The following ADAMTS6 variants were observed in gnomAD, a reference collection of about 807,000 sequenced individuals.
The protein encoded by ADAMTS6 is A disintegrin and metalloproteinase with thrombospondin motifs 6.
ADAMTS6 carries 23 observed loss-of-function variants against 144.3 expected under a neutral mutation model. The observed-to-expected ratio is 0.16, with a 90% confidence interval of 0.11 to 0.23. The LOEUF (loss-of-function observed/expected upper bound fraction) is 0.23. Among genes scored for constraint, ADAMTS6 ranks in the 10% least tolerant of loss-of-function variants. ADAMTS6 has a pLI of 1.00. For synonymous variants in ADAMTS6, 444 were observed against 457.5 expected, an observed-to-expected ratio of 0.97 and a Z score of 0.38; for missense variants, 999 against 1,379.6, an observed-to-expected ratio of 0.72 and a Z score of 4.37.
chr5:65,154,619 G>A (rs1752311085), intron 24 of ADAMTS6, among the ~76,000 whole-genome samples: 1 of 152,152 alleles, frequency 6.6e-6, no homozygotes, highest in Non-Finnish European at 1.5e-5. Context: ...CCTCTGCCAA[G>A]TTACTTCACC....
chr5:65,247,163 A>T (rs937449711), intron 14 of ADAMTS6, among the ~76,000 whole-genome samples: 1 of 152,168 alleles, frequency 6.6e-6, no homozygotes, highest in Non-Finnish European at 1.5e-5. Context: ...ATAAATCTGG[A>T]GAGCAAAGCT....
At chr5:65,269,945 C>A (rs1319499865) in intron 12 of ADAMTS6, among the ~76,000 whole-genome samples, 2 of 151,978 alleles carry the variant, frequency 1.3e-5, no homozygotes, top group Admixed American at 1.3e-4. Flanking sequence ...AGGTGCCTGC[C>A]ACCATGCCCG....
intron 7 of ADAMTS6, among the ~76,000 whole-genome samples, chr5:65,338,853 C>G (rs754277770): frequency 2.6e-5 from 4 of 152,172 alleles, no homozygotes; most frequent in Non-Finnish European, 5.9e-5. Context: ...AAACAGCCTG[C>G]CCCCAGCAGA....
At chr5:65,269,587 T>G (rs954415830) in intron 12 of ADAMTS6, among the ~76,000 whole-genome samples, 1 of 152,152 alleles carries the variant, frequency 6.6e-6, no homozygotes, top group Non-Finnish European at 1.5e-5. Context: ...GAGGCAAAGA[T>G]TTCAACTCTG....
chr5:65,415,771 T>C, intron 7 of ADAMTS6: 2 of 253,144 alleles, frequency 7.9e-6, no homozygotes, highest in Admixed American at 4.9e-5. Context: ...TGCTAAGTGC[T>C]CCAAGGAGGT....
At chr5:65,410,022 C>A (rs953884103) in intron 7 of ADAMTS6, among the ~76,000 whole-genome samples, 48 of 152,256 alleles carry the variant, frequency 3.2e-4, no homozygotes, top group African/African-American at 1.2e-3. Context: ...TGTAATTTCA[C>A]AAAATTATTT....
intron 6 of ADAMTS6, 114 bp from the exon 7 acceptor site, chr5:65,451,734 T>A: frequency 7.9e-7 from 1 of 1,264,048 alleles, no homozygotes; most frequent in Non-Finnish European, 1.1e-6. Flanking sequence ...CTAGGAATAA[T>A]CTCTTGCCAA....
chr5:65,201,149 C>A (rs993440369), intron 20 of ADAMTS6, among the ~76,000 whole-genome samples: 2 of 152,160 alleles, frequency 1.3e-5, no homozygotes, highest in Admixed American at 6.5e-5. Flanking sequence ...AGAAGCCCAT[C>A]AAATGGCAAA....
chr5:65,278,873 C>T (rs748237907), intron 11 of ADAMTS6, among the ~76,000 whole-genome samples: 18 of 151,484 alleles, frequency 1.2e-4, no homozygotes, highest in Admixed American at 7.2e-4. Flanking sequence ...TAAAATTCAT[C>T]GTCATTTGAC....
chr5:65,468,014 AT>A lies in ADAMTS6; in HGVS notation c.462+2763del, dbSNP rs539264962. 1.4e-3 allele frequency among the ~76,000 whole-genome samples: 209 copies of A among 152,106 alleles called. 2 individuals carry two copies. Among genetic ancestry groups the A allele is most frequent in the African/African-American group, 4.8e-3 (200 of 41,498 alleles). On this transcript the variant is annotated intron_variant, in intron 3 of 24. Coordinates refer to ENST00000381055, the MANE Select transcript of ADAMTS6 (RefSeq NM_197941.4). The stretch of plus-strand genomic sequence containing the variant: ...TTAAATCACTTGATAAAGAAACGAT[AT>A]TTTTTTTCGCACTGAGAAAAAGTAA...
intron 21 of ADAMTS6, among the ~76,000 whole-genome samples, chr5:65,194,361 G>T (rs1561267421): frequency 2.0e-5 from 3 of 152,186 alleles, no homozygotes; most frequent in South Asian, 4.1e-4. Flanking sequence ...GCAGCTCCCA[G>T]TCAGCTACGC....
intron 7 of ADAMTS6, among the ~76,000 whole-genome samples, chr5:65,374,935 G>A (rs1016311150): frequency 1.3e-5 from 2 of 152,114 alleles, no homozygotes; most frequent in African/African-American, 4.8e-5. Context: ...GAACAGAACA[G>A]AGCCCTCAGA....
intron 15 of ADAMTS6, among the ~76,000 whole-genome samples, chr5:65,230,003 A>G (rs1758023677): frequency 6.6e-6 from 1 of 152,050 alleles, no homozygotes; most frequent in Admixed American, 6.6e-5. Context: ...TTTGAAGGCA[A>G]GAGAAAAAAG....
At position 65,210,108 on chromosome 5, in the gene ADAMTS6, T is replaced by C. The variant is rs1310728110; in HGVS notation, c.2575+4686A>G. ...ACAAATGATGCTGCAGCGTACTATA[T>C]TGGCCTGCTGCTGGCCCACAGGCTT... is the stretch of plus-strand genomic sequence containing the variant. On this transcript the variant is annotated intron_variant, in intron 20 of 24. Transcript: ENST00000381055. 2.3e-5 allele frequency: 5 copies of C among 220,028 alleles called. No individual in the cohort carries two copies. In the South Asian group the frequency reaches 3.0e-4, roughly 13 times the overall value. 13.6% of individuals were successfully genotyped at this position (220,028 alleles called of 1,614,324 possible).
intron 20 of ADAMTS6, 115 bp from the exon 21 acceptor site, chr5:65,197,266 G>A: frequency 1.0e-6 from 1 of 1,001,348 alleles, no homozygotes; most frequent in Non-Finnish European, 1.4e-6. Flanking sequence ...CGTCTTATCT[G>A]TTCCACATTG....
At chr5:65,173,116 T>C (rs763046178) in intron 22 of ADAMTS6, 108 bp from the exon 23 acceptor site, 5 of 1,097,244 alleles carry the variant, frequency 4.6e-6, no homozygotes, top group Non-Finnish European at 5.2e-6. Flanking sequence ...AATATACACA[T>C]ATACTAAGTT....
intron 2 of ADAMTS6, among the ~76,000 whole-genome samples, chr5:65,471,845 A>G (rs578111212): frequency 1.2e-4 from 19 of 152,200 alleles, no homozygotes; most frequent in Non-Finnish European, 1.0e-4. Flanking sequence ...CAGTCTGACA[A>G]TTCCTCAAAA....
At chr5:65,406,644 C>G (rs757737960) in intron 7 of ADAMTS6, among the ~76,000 whole-genome samples, 5 of 151,998 alleles carry the variant, frequency 3.3e-5, no homozygotes, top group African/African-American at 1.2e-4. Flanking sequence ...TTTGGTATCA[C>G]GATGATACTG....
At chr5:65,252,703 A>C (rs1760286054) in intron 14 of ADAMTS6, among the ~76,000 whole-genome samples, 1 of 152,002 alleles carries the variant, frequency 6.6e-6, no homozygotes, top group African/African-American at 2.4e-5. Flanking sequence ...TATATGTAAA[A>C]CCATGAGAAC....
Sources: allele counts gnomAD v4.1 joint callset (sites outside exome capture counted in the v4.1 genomes callset), GRCh38; gene constraint gnomAD v4.1.1; transcripts MANE v1.5; gene names NCBI Gene and HGNC (gene_info 2026-07-23, HGNC 2026-07-21).